RPGRIP1L: variants seen among roughly 807,000 people sequenced by gnomAD.
RPGRIP1L encodes the protein RPGRIP1 like.
RPGRIP1L carries 131 observed loss-of-function variants against 160.4 expected under a neutral mutation model. The observed-to-expected ratio is 0.82, with a 90% CI of 0.71 to 0.94. The LOEUF is 0.94. Ranked by LOEUF, RPGRIP1L falls within the 40% of genes least tolerant of loss-of-function variation. RPGRIP1L has a pLI of 0.00. For missense variants in RPGRIP1L, 1,522 were observed against 1,535.8 expected (o/e 0.99, Z 0.15); for synonymous variants, 510 against 515.8 (o/e 0.99, Z 0.15).
chr16:53,652,540 A>C lies in RPGRIP1L; in HGVS notation c.2147T>G (p.Leu716Trp). The C allele has an allele frequency of 6.2e-7, 1 of 1,612,714 alleles. No individual in the cohort carries two copies. The highest frequency in any genetic ancestry group is 2.2e-5 in the East Asian group (1 of 44,848). ...KSGRIFCTAS[L>W]IGTKGDIPNF... ...GGCTTATACATTGTACTTACCAATC[A>C]AACTTGCTGTACAAAATATTCGGCC... is the stretch of plus-strand genomic sequence containing the variant. The change falls in exon 15 of 27, where the codon TTG becomes TGG. Residue 716 changes from leucine to tryptophan, a missense_variant. Coordinates refer to ENST00000647211, the MANE Select transcript of RPGRIP1L (RefSeq NM_015272.5).
rs143159742 is a variant in RPGRIP1L, at chr16:53,639,693, T to C, written c.2959-1282A>G. The stretch of plus-strand genomic sequence containing the variant: ...TTACTTAACCTCTCTAAACATCACT[T>C]TCCCTATCTTTAAACGGGAATAATT... On this transcript the variant is annotated intron_variant, in intron 19 of 26. Coordinates refer to ENST00000647211, the MANE Select transcript of RPGRIP1L (RefSeq NM_015272.5). 4.7e-4 allele frequency among the ~76,000 whole-genome samples: 72 copies of C among 152,278 alleles called. No individual in the cohort carries two copies. In the East Asian group the frequency reaches 9.4e-3, roughly 20 times the overall value.
chr16:53,608,009 G>T lies in RPGRIP1L; in HGVS notation c.3702-2395C>A, dbSNP rs781221976. 3 of 982,954 alleles carry T rather than the reference G, an allele frequency of 3.1e-6. No homozygotes were observed. In the South Asian group the frequency reaches 1.4e-4, roughly 46 times the overall value. 60.9% of individuals were successfully genotyped at this position (982,954 alleles called of 1,614,324 possible). On this transcript the variant is annotated intron_variant, in intron 25 of 26. Transcript: ENST00000647211. ...AGTCTGAGGACCTGGATGGACACAG[G>T]GGGCAGATGTCAAGCACTCAGGTGG...
In RPGRIP1L at chr16:53,700,714, G is replaced by C. The variant is rs758617116; in HGVS notation, c.10C>G (p.Pro4Ala). ...AAGTCTCCTGCAGTCTCATCAGTTG[G>C]ACCAGACATGGCCTAGCTGTGGAAA... MSG[P>A]TDETAGDLPV... Residue 4 changes from proline to alanine, a missense_variant, in exon 2 of 27, where the codon CCA becomes GCA. Pro to Ala is a conservative substitution (Grantham distance 27). Coordinates refer to ENST00000647211, the MANE Select transcript of RPGRIP1L (RefSeq NM_015272.5). The C allele has an allele frequency of 6.2e-7, 1 of 1,612,802 alleles. No individual in the cohort carries two copies. The highest frequency in any genetic ancestry group is 8.5e-7 in the Non-Finnish European group (1 of 1,179,282).
chr16:53,619,477 G>A (rs1964581780), intron 23 of RPGRIP1L, among the ~76,000 whole-genome samples: 2 of 152,170 alleles, frequency 1.3e-5, no homozygotes, highest in African/African-American at 4.8e-5. Flanking sequence ...TACCCCACTA[G>A]TAGTCTATCA....
rs139526112 is a variant in RPGRIP1L, at chr16:53,653,561, G to A, written c.1700-574C>T. The A allele has an allele frequency of 1.9e-3, 295 of 154,478 alleles. 8 individuals are homozygous for A. In the East Asian group the frequency reaches 0.053, roughly 28 times the overall value. 9.6% of individuals were successfully genotyped at this position (154,478 alleles called of 1,614,324 possible). A position where few individuals can be genotyped will look rare whatever the true frequency, so the allele number is the denominator to read the frequency against. ...AACAATAATCAATTAATTGCTAGAC[G>A]CAATGAACGCTGGTCCTTGTATTAC... On this transcript the variant is annotated intron_variant, in intron 14 of 26. Coordinates refer to ENST00000647211, the MANE Select transcript of RPGRIP1L (RefSeq NM_015272.5).
At chr16:53,647,367 G>A (rs1966627236) in intron 16 of RPGRIP1L, among the ~76,000 whole-genome samples, 1 of 152,154 alleles carries the variant, frequency 6.6e-6, no homozygotes, top group South Asian at 2.1e-4. Context: ...GGAAGGCAGT[G>A]GCCTAGAAAC....
chr16:53,613,688 T>C (rs1475087562), intron 24 of RPGRIP1L, among the ~76,000 whole-genome samples: 2 of 152,200 alleles, frequency 1.3e-5, no homozygotes, highest in Non-Finnish European at 2.9e-5. Flanking sequence ...TCGTTGGGGA[T>C]TCCCTGTGCT....
chr16:53,657,677 G>C (rs917422423), intron 12 of RPGRIP1L, 45 bp from the exon 13 acceptor site: 3 of 1,159,222 alleles, frequency 2.6e-6, no homozygotes, highest in Non-Finnish European at 3.7e-6. Flanking sequence ...AAATTTCTAA[G>C]ATGTGATTTT....
intron 22 of RPGRIP1L, among the ~76,000 whole-genome samples, chr16:53,626,157 A>AG (rs1441480622): frequency 2.8e-4 from 42 of 151,420 alleles, no homozygotes; most frequent in African/African-American, 1.0e-3. Context: ...AAAAAAAAAA[A>AG]AAAAAAAAAA....
rs925229156 is a variant in RPGRIP1L at position 53,681,937 on chromosome 16, G to A, written c.776+4496C>T. ...ATCCGTGAAAGAAAAGTTTAAATATGTTTCCCATTTTGTGATTTTTCTCTA... is the reference window on the plus strand; with the variant it reads ...ATCCGTGAAAGAAAAGTTTAAATATATTTCCCATTTTGTGATTTTTCTCTA... On this transcript the variant is annotated intron_variant, in intron 6 of 26. Coordinates refer to ENST00000647211, the MANE Select transcript of RPGRIP1L (RefSeq NM_015272.5). Among the ~76,000 whole-genome samples, 113 of 152,182 alleles carry A rather than the reference G, an allele frequency of 7.4e-4. 1 individual carries two copies. The highest frequency in any genetic ancestry group is 2.6e-3 in the African/African-American group (107 of 41,530).
At chr16:53,658,544 C>T in intron 11 of RPGRIP1L, 80 bp from the exon 12 acceptor site, 1 of 1,174,646 alleles carries the variant, frequency 8.5e-7, no homozygotes, top group Non-Finnish European at 1.3e-6. Flanking sequence ...AAATTATCCC[C>T]ATGAAACATA....
Position 53,641,078 on chromosome 16 carries a change from T to C in RPGRIP1L, c.2913A>G (p.Val971=). 2 of 1,613,884 alleles carry C rather than the reference T, an allele frequency of 1.2e-6. No homozygotes were observed. The highest frequency in any genetic ancestry group is 1.7e-6 in the Non-Finnish European group (2 of 1,179,846). Residue 971 remains valine (V), a synonymous_variant, in exon 19 of 27, where the codon GTA becomes GTG. Transcript: ENST00000647211. ...RPKPRQRLTP[V]DKKVSFVDIM... ...TATCCACGAAAGATACCTTCTTATC[T>C]ACAGGTGTTAAACGTTGTCTTGGTT...
At chr16:53,646,478 A>T (rs557621153) in intron 16 of RPGRIP1L, among the ~76,000 whole-genome samples, 7 of 152,174 alleles carry the variant, frequency 4.6e-5, no homozygotes, top group Non-Finnish European at 1.0e-4. Context: ...ACAAAGTCTA[A>T]CTGTTACGAG....
At chr16:53,634,321 G>A (rs962445988) in intron 22 of RPGRIP1L, among the ~76,000 whole-genome samples, 1 of 151,928 alleles carries the variant, frequency 6.6e-6, no homozygotes, top group Non-Finnish European at 1.5e-5. Context: ...ATTTTGGAGG[G>A]GACACCTTCA....
chr16:53,628,033 G>A (rs1387845296), intron 22 of RPGRIP1L, among the ~76,000 whole-genome samples: 1 of 152,010 alleles, frequency 6.6e-6, no homozygotes, highest in Non-Finnish European at 1.5e-5. Flanking sequence ...CAGAACTGCT[G>A]GGTAATAGGT....
intron 9 of RPGRIP1L, among the ~76,000 whole-genome samples, chr16:53,666,971 T>C (rs1017789691): frequency 6.6e-6 from 1 of 152,300 alleles, no homozygotes; most frequent in African/African-American, 2.4e-5. Flanking sequence ...ATTTACTGTA[T>C]TCCGCTATGC....
At chr16:53,662,872 GT>G (rs1252092990) in intron 10 of RPGRIP1L, among the ~76,000 whole-genome samples, 1 of 152,022 alleles carries the variant, frequency 6.6e-6, no homozygotes, top group African/African-American at 2.4e-5. Flanking sequence ...GAAAGATACT[GT>G]TTTATGATAC....
rs1472044997 is a variant in RPGRIP1L at position 53,695,312 on chromosome 16, C to G, written c.230+839G>C. ...CCATCATCATGACTAAAACCCAACT[C>G]AAAGTAAAAGGCCTGCACATAGCAT... On this transcript the variant is annotated intron_variant, in intron 3 of 26. Transcript: ENST00000647211. 1.2e-5 allele frequency: 8 copies of G among 694,306 alleles called. 1 individual carries two copies. The highest frequency in any genetic ancestry group is 2.3e-4 in the Middle Eastern group (1 of 4,334). 43.0% of individuals were successfully genotyped at this position (694,306 alleles called of 1,614,324 possible).
intron 22 of RPGRIP1L, chr16:53,628,887 A>G (rs1451998711): frequency 6.6e-6 from 1 of 152,070 alleles, no homozygotes; most frequent in South Asian, 2.1e-4. Flanking sequence ...CCTTGCAGTG[A>G]TTTGGATTAT....
Sources: allele counts gnomAD v4.1 joint callset (sites outside exome capture counted in the v4.1 genomes callset), GRCh38; gene constraint gnomAD v4.1.1; transcripts MANE v1.5; gene names NCBI Gene and HGNC (gene_info 2026-07-23, HGNC 2026-07-21).